Variants in NCKAP1 observed in about 807,000 individuals in gnomAD.
NCKAP1 encodes the protein NCK associated protein 1, also known as nck-associated protein 1.
NCKAP1 carries 21 observed loss-of-function variants against 151.2 expected under a neutral mutation model. The observed-to-expected ratio is 0.14, with a 90% CI of 0.10 to 0.20. NCKAP1 has a LOEUF of 0.20. Ranked by LOEUF, NCKAP1 falls within the 10% of genes least tolerant of loss-of-function variation. The probability of loss-of-function intolerance (pLI) is 1.00; values close to 1 mark genes in which losing one functional copy is unlikely to be tolerated. For missense variants in NCKAP1, 933 were observed against 1,352.1 expected (o/e 0.69, Z 4.86); for synonymous variants, 484 against 451.8 (o/e 1.07, Z -0.90).
Position 183,001,963 on chromosome 2 carries a change from G to A in NCKAP1, c.593C>T (p.Pro198Leu), listed in dbSNP as rs1698382696. ...ACAACTGCCTCTTACCTTGCTATGG[G>A]GTACAAATTCTTCCATCATCTTCTT... The part of the protein sequence containing the change: ...PLKKMMEEFV[P>L]HSKSLSDALI... The change falls in exon 6 of 31, where the codon CCC becomes CTC. Residue 198 changes from proline to leucine, a missense_variant. Physicochemically the swap from Pro to Leu is moderately conservative, Grantham distance 98. Around this residue, in one of 2 missense-constraint regions of NCKAP1, gnomAD observed 607 missense variants for 795.0 expected, o/e 0.76. Coordinates refer to ENST00000361354, the MANE Select transcript of NCKAP1 (RefSeq NM_013436.5). 1.2e-6 allele frequency: 2 copies of A among 1,612,746 alleles called. No homozygotes were observed. The highest frequency in any genetic ancestry group is 2.7e-5 in the African/African-American group (2 of 74,820).
intron 23 of NCKAP1, among the ~76,000 whole-genome samples, chr2:182,949,846 A>T (rs1697180398): frequency 6.6e-6 from 1 of 152,204 alleles, no homozygotes; most frequent in South Asian, 2.1e-4. Flanking sequence ...TCCAACAAAT[A>T]TTTACTAAGT....
chr2:182,924,649 T>A lies in NCKAP1; in HGVS notation c.*1053A>T, dbSNP rs1696605039. 2 of 151,934 alleles carry A rather than the reference T, an allele frequency of 1.3e-5. No homozygotes were observed. The highest frequency in any genetic ancestry group is 1.3e-4 in the Admixed American group (2 of 15,272). The allele number at this position is 151,934 out of a possible 1,614,324, so 9.4% of individuals were successfully genotyped here. The stretch of plus-strand genomic sequence containing the variant: ...ATGAGCAAGTTGACAGCATACAAGT[T>A]TTCTTTAAGTTCTTAATTTTTAAGA... On this transcript the variant is annotated 3_prime_UTR_variant, in exon 31 of 31. Transcript: ENST00000361354.
At chr2:183,005,841 T>A (rs1220961466) in intron 2 of NCKAP1, among the ~76,000 whole-genome samples, 1 of 152,192 alleles carries the variant, frequency 6.6e-6, no homozygotes. Context: ...AATGTCAGAA[T>A]CCCACCATTT....
At chr2:182,958,407 G>A (rs1249010216) in intron 18 of NCKAP1, among the ~76,000 whole-genome samples, 1 of 152,138 alleles carries the variant, frequency 6.6e-6, no homozygotes, top group Admixed American at 6.5e-5. Flanking sequence ...GCCTCCCAAA[G>A]TGCTGGGATT....
In NCKAP1 at chr2:182,934,698, T is replaced by C. The variant is rs540471066; in HGVS notation, c.2859+54A>G. The C allele has an allele frequency of 1.9e-5, 17 of 896,242 alleles. No homozygotes were observed. The Admixed American group carries it at 3.7e-4, about 20-fold the overall frequency. The allele number at this position is 896,242 out of a possible 1,614,324, so 55.5% of individuals were successfully genotyped here. A position where few individuals can be genotyped will look rare whatever the true frequency, so the allele number is the denominator to read the frequency against. ...TTATTACATTTTCTTGCATATGTAA[T>C]TTAAATATTTCGCTTTAGAGACTGT... On this transcript the variant is annotated intron_variant, in intron 26 of 30. Transcript: ENST00000361354.
chr2:182,972,088 G>T (rs1211956681), intron 15 of NCKAP1, among the ~76,000 whole-genome samples: 1 of 151,840 alleles, frequency 6.6e-6, no homozygotes, highest in African/African-American at 2.4e-5. Context: ...AAGCTAAAAA[G>T]CTCCTGCACA....
intron 18 of NCKAP1, among the ~76,000 whole-genome samples, chr2:182,958,256 A>G (rs1390728841): frequency 6.6e-6 from 1 of 152,148 alleles, no homozygotes; most frequent in Non-Finnish European, 1.5e-5. Context: ...CTCCTGCCTC[A>G]GCCTCCTGAG....
intron 21 of NCKAP1, 25 bp from the exon 22 acceptor site, chr2:182,952,948 C>G (rs759146708): frequency 6.3e-7 from 1 of 1,593,914 alleles, no homozygotes; most frequent in South Asian, 1.1e-5. Flanking sequence ...AAACTTATAA[C>G]CGGAAGAAAC....
At chr2:183,035,352 CA>C (rs1699082559) in intron 1 of NCKAP1, among the ~76,000 whole-genome samples, 1 of 151,572 alleles carries the variant, frequency 6.6e-6, no homozygotes, top group Non-Finnish European at 1.5e-5. Context: ...ATATTACTGA[CA>C]ATAATAAGTT....
chr2:182,930,070 T>A (rs1451509093), intron 27 of NCKAP1, among the ~76,000 whole-genome samples: 1 of 151,992 alleles, frequency 6.6e-6, no homozygotes, highest in Non-Finnish European at 1.5e-5. Context: ...ATCTCCTCCA[T>A]CTTAAAAAAA....
At chr2:182,980,444 T>A (rs1333194210) in intron 13 of NCKAP1, among the ~76,000 whole-genome samples, 1 of 152,086 alleles carries the variant, frequency 6.6e-6, no homozygotes, top group African/African-American at 2.4e-5. Flanking sequence ...GATTCTTAAC[T>A]GTTTTCTTTA....
At chr2:182,972,983 T>C (rs541086936) in intron 15 of NCKAP1, among the ~76,000 whole-genome samples, 2 of 152,236 alleles carry the variant, frequency 1.3e-5, no homozygotes, top group East Asian at 1.9e-4. Flanking sequence ...TATAGCACAA[T>C]GGGGCAACTA....
rs1262033899 is a variant in NCKAP1, at chr2:182,915,937, T to C, written c.*9765A>G. The C allele has an allele frequency of 6.6e-6, 1 of 152,130 alleles. No individual in the cohort carries two copies. The highest frequency in any genetic ancestry group is 1.9e-4 in the East Asian group (1 of 5,186). The allele number at this position is 152,130 out of a possible 1,614,324, so 9.4% of individuals were successfully genotyped here. A position where few individuals can be genotyped will look rare whatever the true frequency, so the allele number is the denominator to read the frequency against. On this transcript the variant is annotated 3_prime_UTR_variant, in exon 31 of 31. Transcript: ENST00000361354. ...TGCCTTTTTGATCTATTGCCAATGC[T>C]TTCACCTTTTGTCTATTTATACAAG...
intron 15 of NCKAP1, among the ~76,000 whole-genome samples, chr2:182,969,286 A>G (rs1044023915): frequency 1.3e-5 from 2 of 152,230 alleles, no homozygotes; most frequent in Non-Finnish European, 2.9e-5. Flanking sequence ...AAAACTAGAA[A>G]TCAACAAGAG....
chr2:182,952,991 C>T, intron 21 of NCKAP1, 68 bp from the exon 22 acceptor site: 1 of 1,515,692 alleles, frequency 6.6e-7, no homozygotes, highest in Non-Finnish European at 8.9e-7. Flanking sequence ...GATATACATT[C>T]CTGCATATAA....
chr2:182,935,152 G>T, intron 25 of NCKAP1, 141 bp downstream of exon 25: 1 of 661,810 alleles, frequency 1.5e-6, no homozygotes, highest in Non-Finnish European at 2.5e-6. Context: ...CTAATTTTAT[G>T]TATGTTATTT....
At chr2:182,986,293 T>C (rs1575048599) in intron 9 of NCKAP1, 66 bp from the exon 10 acceptor site, 2 of 1,268,400 alleles carry the variant, frequency 1.6e-6, no homozygotes, top group Non-Finnish European at 2.3e-6. Flanking sequence ...TGAGTAAGTC[T>C]AATACTAGAA....
chr2:182,956,124 T>C (rs758645632), intron 20 of NCKAP1, among the ~76,000 whole-genome samples: 8 of 152,118 alleles, frequency 5.3e-5, no homozygotes, highest in Admixed American at 2.0e-4. Flanking sequence ...TCACTGCAAG[T>C]GTGTCTCCCG....
Position 182,937,520 on chromosome 2 carries a change from T to C in NCKAP1, c.2696-2145A>G, listed in dbSNP as rs1360629357. Among the ~76,000 whole-genome samples, 4 of 152,176 alleles carry C rather than the reference T, an allele frequency of 2.6e-5. No homozygotes were observed. The South Asian group carries it at 6.2e-4, about 24-fold the overall frequency. Reference sequence around the variant, plus strand: ...TCAATTATTTCATTAATCCAAATAATAGCTTTTGAAGGTCATGCTAAGGAG... The same window carrying C: ...TCAATTATTTCATTAATCCAAATAACAGCTTTTGAAGGTCATGCTAAGGAG... On this transcript the variant is annotated intron_variant, in intron 24 of 30. Coordinates refer to ENST00000361354, the MANE Select transcript of NCKAP1 (RefSeq NM_013436.5).
Sources: allele counts gnomAD v4.1 joint callset (sites outside exome capture counted in the v4.1 genomes callset), GRCh38; gene constraint gnomAD v4.1.1; regional missense constraint gnomAD v4.1.1; transcripts MANE v1.5; gene names NCBI Gene and HGNC (gene_info 2026-07-23, HGNC 2026-07-21).